GPR31: variants seen among roughly 807,000 people sequenced by gnomAD.
GPR31 encodes the protein 12-(S)-hydroxy-5,8,10,14-eicosatetraenoic acid receptor.
For missense variants in GPR31, 394 were observed against 400.5 expected (o/e 0.98, Z 0.14); for synonymous variants, 209 against 183.8 (o/e 1.14, Z -1.11).
Position 167,157,421 on chromosome 6 carries a change from G to A in GPR31, c.411C>T (p.Leu137=), listed in dbSNP as rs767655264. The A allele has an allele frequency of 1.1e-5, 18 of 1,613,170 alleles. No homozygotes were observed. The highest frequency in any genetic ancestry group is 4.4e-5 in the South Asian group (4 of 91,068). The change falls in exon 1 of 1, where the codon CTC becomes CTT. Residue 137 remains leucine, a synonymous_variant. Transcript: ENST00000366834. ...SPQAALGVSG[L]VWLLMVALTC... ...TGAGGGCGACCATCAGGAGCCAGAC[G>A]AGGCCCGAGACCCCCAGGGCCGCCT...
rs1224972433 is a variant in GPR31 at position 167,155,733 on chromosome 6, G to A, written c.*1139C>T. ...AGGGGCAGCTCACCAGGCCCATGTCGTGACAAGGCAGGCCTCCCGCCTCCT... is the reference window on the plus strand; with the variant it reads ...AGGGGCAGCTCACCAGGCCCATGTCATGACAAGGCAGGCCTCCCGCCTCCT... On this transcript the variant is annotated 3_prime_UTR_variant, in exon 1 of 1. Transcript: ENST00000366834. Among the ~76,000 whole-genome samples, 4 of 152,352 alleles carry A rather than the reference G, an allele frequency of 2.6e-5. No homozygotes were observed. The highest frequency in any genetic ancestry group is 1.3e-4 in the Admixed American group (2 of 15,308).
chr6:167,156,802 A>G lies in GPR31; in HGVS notation c.*70T>C, dbSNP rs1361008676. ...GACTTCTTCTTCTTCCAGAATCCCA[A>G]AGTAGGAGTAATTATTATTTAGGTC... is the stretch of plus-strand genomic sequence containing the variant. On this transcript the variant is annotated 3_prime_UTR_variant, in exon 1 of 1. Coordinates refer to ENST00000366834, the MANE Select transcript of GPR31 (RefSeq NM_005299.3). The surrounding 1 kb of genome is among the most constrained non-coding windows in gnomAD (Gnocchi z 4.5). 2 of 1,476,274 alleles carry G rather than the reference A, an allele frequency of 1.4e-6. No homozygotes were observed. The highest frequency in any genetic ancestry group is 2.3e-5 in the East Asian group (1 of 43,950). 91.4% of individuals were successfully genotyped at this position (1,476,274 alleles called of 1,614,324 possible).
In GPR31 at chr6:167,157,724, C is replaced by T; in HGVS notation, c.108G>A (p.Leu36=). The T allele has an allele frequency of 6.2e-7, 1 of 1,613,624 alleles. No homozygotes were observed. Among genetic ancestry groups the T allele is most frequent in the Non-Finnish European group, 8.5e-7 (1 of 1,180,010 alleles). Residue 36 remains leucine, a synonymous_variant, in exon 1 of 1, where the codon CTG becomes CTA. Coordinates refer to ENST00000366834, the MANE Select transcript of GPR31 (RefSeq NM_005299.3). ...CCCTGACCCGGAACAGGAAGGTCCA[C>T]AGCGCCACCGCGTTGCCCAGCAGAC... ...GLGLLGNAVA[L]WTFLFRVRVW...
At position 167,157,742 on chromosome 6, in the gene GPR31, C is replaced by T; in HGVS notation, c.90G>A (p.Leu30=). ...LLGLECGLGL[L]GNAVALWTFL... The stretch of plus-strand genomic sequence containing the variant: ...AGGTCCACAGCGCCACCGCGTTGCC[C>T]AGCAGACCCAGCCCACACTCCAGCC... The change falls in exon 1 of 1, where the codon CTG becomes CTA. Residue 30 remains leucine, a synonymous_variant. Transcript: ENST00000366834. 6.2e-7 allele frequency: 1 copy of T among 1,613,608 alleles called. No individual in the cohort carries two copies. Among genetic ancestry groups the T allele is most frequent in the Non-Finnish European group, 8.5e-7 (1 of 1,180,002 alleles).
In GPR31 at chr6:167,156,631, G is replaced by A. The variant is rs1782066210; in HGVS notation, c.*241C>T. On this transcript the variant is annotated 3_prime_UTR_variant, in exon 1 of 1. Transcript: ENST00000366834. This position sits in a 1 kb window ranked among gnomAD's most constrained non-coding sequence, Gnocchi z 4.5. ...GCAACTGAATCTGCATCATAGTTGG[G>A]TAGGAGGAGGTTCTAGCTTGTTCAT... The A allele has an allele frequency of 7.7e-6, 3 of 390,196 alleles. No individual in the cohort carries two copies. Among genetic ancestry groups the A allele is most frequent in the Non-Finnish European group, 1.4e-5 (3 of 220,224 alleles). 24.2% of individuals were successfully genotyped at this position (390,196 alleles called of 1,614,324 possible).
rs113611809 is a variant in GPR31 at position 167,156,713 on chromosome 6, A to G, written c.*159T>C. 2.4e-5 allele frequency: 19 copies of G among 801,690 alleles called. No homozygotes were observed. Among genetic ancestry groups the G allele is most frequent in the Middle Eastern group, 7.5e-4 (2 of 2,674 alleles). 49.7% of individuals were successfully genotyped at this position (801,690 alleles called of 1,614,324 possible). A position where few individuals can be genotyped will look rare whatever the true frequency, so the allele number is the denominator to read the frequency against. On this transcript the variant is annotated 3_prime_UTR_variant, in exon 1 of 1. Coordinates refer to ENST00000366834, the MANE Select transcript of GPR31 (RefSeq NM_005299.3). The surrounding 1 kb of genome is among the most constrained non-coding windows in gnomAD (Gnocchi z 4.5). ...AGAGGACCACCCTGGTCAACAAAGTATAAGACCACACCTGCAGCAACTGTG... is the reference window on the plus strand; with the variant it reads ...AGAGGACCACCCTGGTCAACAAAGTGTAAGACCACACCTGCAGCAACTGTG...
At position 167,157,405 on chromosome 6, in the gene GPR31, C is replaced by T. The variant is rs370151410; in HGVS notation, c.427G>A (p.Val143Ile). ...AGCAAGCCCGGGCAGGTGAGGGCGACCATCAGGAGCCAGACGAGGCCCGAG... is the reference window on the plus strand; with the variant it reads ...AGCAAGCCCGGGCAGGTGAGGGCGATCATCAGGAGCCAGACGAGGCCCGAG... ...GVSGLVWLLM[V>I]ALTCPGLLIS... is the part of the protein sequence containing the mutation. Residue 143 changes from valine to isoleucine, a missense_variant, in exon 1 of 1, where the codon GTC becomes ATC. Transcript: ENST00000366834. 2.7e-5 allele frequency: 43 copies of T among 1,613,072 alleles called. No homozygotes were observed. Among genetic ancestry groups the T allele is most frequent in the Non-Finnish European group, 3.1e-5 (36 of 1,180,004 alleles).
chr6:167,156,772 C>T lies in GPR31; in HGVS notation c.*100G>A. 7.6e-7 allele frequency: 1 copy of T among 1,323,692 alleles called. No homozygotes were observed. Among genetic ancestry groups the T allele is most frequent in the Non-Finnish European group, 1.0e-6 (1 of 958,376 alleles). 82.0% of individuals were successfully genotyped at this position (1,323,692 alleles called of 1,614,324 possible). On this transcript the variant is annotated 3_prime_UTR_variant, in exon 1 of 1. Coordinates refer to ENST00000366834, the MANE Select transcript of GPR31 (RefSeq NM_005299.3). The surrounding 1 kb of genome is among the most constrained non-coding windows in gnomAD (Gnocchi z 4.5). Reference sequence around the variant, plus strand: ...TATGCTCTGATCCTTGTATTGCAGTCTTAAGACTTCTTCTTCTTCCAGAAT... The same window carrying T: ...TATGCTCTGATCCTTGTATTGCAGTTTTAAGACTTCTTCTTCTTCCAGAAT...
chr6:167,156,759 C>G lies in GPR31; in HGVS notation c.*113G>C, dbSNP rs144263520. The G allele has an allele frequency of 1.7e-6, 2 of 1,186,754 alleles. No homozygotes were observed. The highest frequency in any genetic ancestry group is 2.4e-6 in the Non-Finnish European group (2 of 835,272). The allele number at this position is 1,186,754 out of a possible 1,614,324, so 73.5% of individuals were successfully genotyped here. On this transcript the variant is annotated 3_prime_UTR_variant, in exon 1 of 1. Transcript: ENST00000366834. The surrounding 1 kb of genome is among the most constrained non-coding windows in gnomAD (Gnocchi z 4.5). ...CTGTGCCCATGTTTATGCTCTGATC[C>G]TTGTATTGCAGTCTTAAGACTTCTT...
rs1241917933 is a variant in GPR31 at position 167,157,395 on chromosome 6, G to A, written c.437C>T (p.Thr146Ile). 3 of 1,613,346 alleles carry A rather than the reference G, an allele frequency of 1.9e-6. No individual in the cohort carries two copies. The change falls in exon 1 of 1, where the codon ACC becomes ATC. Residue 146 changes from threonine to isoleucine, a missense_variant. By Grantham distance (89) the Thr-to-Ile change is moderately conservative. Transcript: ENST00000366834. Reference protein sequence around the residue: ...GLVWLLMVALTCPGLLISEAA... With the variant: ...GLVWLLMVALICPGLLISEAA... ...CTCAGAGATGAGCAAGCCCGGGCAG[G>A]TGAGGGCGACCATCAGGAGCCAGAC...
At position 167,157,247 on chromosome 6, in the gene GPR31, G is replaced by A. The variant is rs756005312; in HGVS notation, c.585C>T (p.Phe195=). The A allele has an allele frequency of 1.9e-6, 3 of 1,614,222 alleles. No homozygotes were observed. Among genetic ancestry groups the A allele is most frequent in the Non-Finnish European group, 2.5e-6 (3 of 1,180,038 alleles). ...GAGCCCTGATGATGCCTGCATTGCA[G>A]AACACGATGAGGCCAAAGGGGAGGA... is the stretch of plus-strand genomic sequence containing the variant. ...QFVLPFGLIV[F]CNAGIIRALQ... The change falls in exon 1 of 1, where the codon TTC becomes TTT. Residue 195 remains phenylalanine, a synonymous_variant. Transcript: ENST00000366834.
In GPR31 at chr6:167,155,584, T is replaced by C. The variant is rs548431289; in HGVS notation, c.*1288A>G. On this transcript the variant is annotated 3_prime_UTR_variant, in exon 1 of 1. Transcript: ENST00000366834. Reference sequence around the variant, plus strand: ...GACAGAAAGCTTGGGACCACCCCTGTGGGATAATTGAAGGCATCAAAACAC... The same window carrying C: ...GACAGAAAGCTTGGGACCACCCCTGCGGGATAATTGAAGGCATCAAAACAC... Among the ~76,000 whole-genome samples the C allele has an allele frequency of 2.6e-5, 4 of 152,302 alleles. No individual in the cohort carries two copies. The South Asian group carries it at 8.3e-4, about 32-fold the overall frequency.
Position 167,155,577 on chromosome 6 carries a change from A to C in GPR31, c.*1295T>G, listed in dbSNP as rs928309839. On this transcript the variant is annotated 3_prime_UTR_variant, in exon 1 of 1. Transcript: ENST00000366834. ...CGAATTTGACAGAAAGCTTGGGACCACCCCTGTGGGATAATTGAAGGCATC... is the reference window on the plus strand; with the variant it reads ...CGAATTTGACAGAAAGCTTGGGACCCCCCCTGTGGGATAATTGAAGGCATC... Among the ~76,000 whole-genome samples the C allele has an allele frequency of 2.2e-4, 34 of 152,138 alleles. No homozygotes were observed. The highest frequency in any genetic ancestry group is 8.0e-4 in the African/African-American group (33 of 41,414).
chr6:167,157,864 G>A lies in GPR31; in HGVS notation c.-33C>T, dbSNP rs1358359836. 3 of 1,576,460 alleles carry A rather than the reference G, an allele frequency of 1.9e-6. No homozygotes were observed. Among genetic ancestry groups the A allele is most frequent in the Non-Finnish European group, 2.6e-6 (3 of 1,161,476 alleles). On this transcript the variant is annotated 5_prime_UTR_variant, in exon 1 of 1. Coordinates refer to ENST00000366834, the MANE Select transcript of GPR31 (RefSeq NM_005299.3). ...CCGTGAGGGGCTGCAGGCACAGCTG[G>A]AGCAGGTACAGGAGGAACTCTGTGC...
chr6:167,156,012 T>G lies in GPR31; in HGVS notation c.*860A>C, dbSNP rs1359969437. Among the ~76,000 whole-genome samples the G allele has an allele frequency of 1.3e-5, 2 of 152,342 alleles. No individual in the cohort carries two copies. The highest frequency in any genetic ancestry group is 2.1e-4 in the South Asian group (1 of 4,828). On this transcript the variant is annotated 3_prime_UTR_variant, in exon 1 of 1. Coordinates refer to ENST00000366834, the MANE Select transcript of GPR31 (RefSeq NM_005299.3). This position sits in a 1 kb window ranked among gnomAD's most constrained non-coding sequence, Gnocchi z 4.5. ...AGCCCTGGCATGTCCCGAGCACCAT[T>G]GTCCACCAGCTGTGCCAGCGGGGTT...
In GPR31 at chr6:167,157,303, AGAT is replaced by A. The variant is rs764615087; in HGVS notation, c.526_528del (p.Ile176del). ...TGAAGGCAGGAGAGTGCTTCCTGCC[AGAT>A]GATGCTGAAGGAGCCGTCTGCCCTG... is the stretch of plus-strand genomic sequence containing the variant. On this transcript the variant is annotated inframe_deletion, in exon 1 of 1. Transcript: ENST00000366834. The A allele has an allele frequency of 1.9e-6, 3 of 1,614,072 alleles. No homozygotes were observed. The South Asian group carries it at 3.3e-5, about 18-fold the overall frequency.
In GPR31 at chr6:167,157,430, G is replaced by C. The variant is rs546698033; in HGVS notation, c.402C>G (p.Val134=). ...CCATCAGGAGCCAGACGAGGCCCGA[G>C]ACCCCCAGGGCCGCCTGAGGAGACA... is the stretch of plus-strand genomic sequence containing the variant. ...NLLSPQAALG[V]SGLVWLLMVA... Residue 134 remains valine (V), a synonymous_variant, in exon 1 of 1, where the codon GTC becomes GTG. Transcript: ENST00000366834. 2 of 1,613,398 alleles carry C rather than the reference G, an allele frequency of 1.2e-6. No homozygotes were observed. The highest frequency in any genetic ancestry group is 2.2e-5 in the East Asian group (1 of 44,884).
chr6:167,156,833 T>C lies in GPR31; in HGVS notation c.*39A>G. On this transcript the variant is annotated 3_prime_UTR_variant, in exon 1 of 1. Coordinates refer to ENST00000366834, the MANE Select transcript of GPR31 (RefSeq NM_005299.3). This position sits in a 1 kb window ranked among gnomAD's most constrained non-coding sequence, Gnocchi z 4.5. The stretch of plus-strand genomic sequence containing the variant: ...GAGTAATTATTATTTAGGTCGCAGG[T>C]AGTTCCATAAACACGGGCGTTGAGG... The C allele has an allele frequency of 1.3e-6, 2 of 1,530,384 alleles. No individual in the cohort carries two copies. Among genetic ancestry groups the C allele is most frequent in the Non-Finnish European group, 8.8e-7 (1 of 1,141,664 alleles). 94.8% of individuals were successfully genotyped at this position (1,530,384 alleles called of 1,614,324 possible).
At position 167,157,524 on chromosome 6, in the gene GPR31, G is replaced by A. The variant is rs769184231; in HGVS notation, c.308C>T (p.Ala103Val). ...GTCCAAAGCCACGGCGGCCAGGAAG[G>A]CCATCCCCACGCTGCGGCTGAGGTC... ...LLDLSRSVGM[A>V]FLAAVALDRY... Residue 103 changes from alanine (A) to valine (V), a missense_variant, in exon 1 of 1, where the codon GCC becomes GTC. Coordinates refer to ENST00000366834, the MANE Select transcript of GPR31 (RefSeq NM_005299.3). The A allele has an allele frequency of 1.1e-5, 17 of 1,610,960 alleles. No homozygotes were observed. The highest frequency in any genetic ancestry group is 1.4e-5 in the Non-Finnish European group (16 of 1,177,874).
Sources: allele counts gnomAD v4.1 joint callset (sites outside exome capture counted in the v4.1 genomes callset), GRCh38; gene constraint gnomAD v4.1.1; non-coding constraint Gnocchi (gnomAD v3.1); transcripts MANE v1.5; gene names NCBI Gene and HGNC (gene_info 2026-07-23, HGNC 2026-07-21).